The following TAFA2 variants were observed in gnomAD, a reference collection of about 807,000 sequenced individuals.
TAFA2 encodes the protein TAFA chemokine like family member 2.
In TAFA2, 7 loss-of-function variants were observed where a neutral mutation model predicts 18.8. That is an observed-to-expected ratio of 0.37 (90% CI 0.21 to 0.70). TAFA2 has a LOEUF of 0.70. Among genes scored for constraint, TAFA2 ranks in the 30% least tolerant of loss-of-function variants. The probability of loss-of-function intolerance (pLI) is 0.53; values close to 1 mark genes in which losing one functional copy is unlikely to be tolerated. For synonymous variants in TAFA2, 60 were observed against 54.2 expected (o/e 1.11, Z -0.47); for missense variants, 122 against 158.1 (o/e 0.77, Z 1.23).
At chr12:62,122,546 G>A (rs748556274) in intron 1 of TAFA2, among the ~76,000 whole-genome samples, 1 of 152,142 alleles carries the variant, frequency 6.6e-6, no homozygotes, top group East Asian at 1.9e-4. Flanking sequence ...TTTTATAAAT[G>A]AGGGGGAAAT....
At chr12:61,833,372 CAACT>C (rs1410069699) in intron 2 of TAFA2, among the ~76,000 whole-genome samples, 1 of 151,764 alleles carries the variant, frequency 6.6e-6, no homozygotes, top group African/African-American at 2.4e-5. Context: ...TCAGTAGAGT[CAACT>C]AACAAAGCCC....
intron 1 of TAFA2, among the ~76,000 whole-genome samples, chr12:61,900,534 G>A (rs1033576634): frequency 2.0e-5 from 3 of 152,170 alleles, no homozygotes; most frequent in Admixed American, 6.6e-5. Flanking sequence ...AAACATACTG[G>A]AGGGGAAAGC....
In TAFA2 at chr12:62,222,490, A is replaced by T. The variant is rs574284622; in HGVS notation, c.-130+36273T>A. Among the ~76,000 whole-genome samples, 19 of 152,012 alleles carry T rather than the reference A, an allele frequency of 1.2e-4. No homozygotes were observed. The South Asian group carries it at 4.0e-3, about 32-fold the overall frequency. ...TACCATGAAATCAACATAAATATTC[A>T]AGGATATTATTTATTATTATTATTA... On this transcript the variant is annotated intron_variant, in intron 1 of 5. Coordinates refer to the TAFA2 transcript ENST00000551619.
At chr12:61,933,060 T>C (rs752414879) in intron 1 of TAFA2, among the ~76,000 whole-genome samples, 14 of 152,102 alleles carry the variant, frequency 9.2e-5, no homozygotes, top group Admixed American at 2.6e-4. Flanking sequence ...TATCCAGTTT[T>C]CCCCCAAACT....
intron 1 of TAFA2, among the ~76,000 whole-genome samples, chr12:61,984,057 A>T (rs1174786982): frequency 1.3e-5 from 2 of 152,018 alleles, no homozygotes; most frequent in Non-Finnish European, 2.9e-5. Context: ...ATAAACACGC[A>T]CTCATTTTAC....
chr12:61,886,786 A>G lies in TAFA2; in HGVS notation c.-1-19360T>C, dbSNP rs145004668. On this transcript the variant is annotated intron_variant, in intron 1 of 4. Transcript: ENST00000416284. ...TAAGGATGAAATAGTATGGTTCATGAATTGGGGGGCTATTGGCATAATTCA... is the reference window on the plus strand; with the variant it reads ...TAAGGATGAAATAGTATGGTTCATGGATTGGGGGGCTATTGGCATAATTCA... 6.1e-3 allele frequency among the ~76,000 whole-genome samples: 926 copies of G among 152,228 alleles called. 10 individuals are homozygous for G. The highest frequency in any genetic ancestry group is 0.021 in the African/African-American group (864 of 41,528).
At chr12:61,796,842 T>C (rs1871208221) in intron 2 of TAFA2, among the ~76,000 whole-genome samples, 1 of 152,148 alleles carries the variant, frequency 6.6e-6, no homozygotes, top group Non-Finnish European at 1.5e-5. Context: ...TCCTAGATTA[T>C]AAGAAATGGC....
At chr12:61,959,309 G>A (rs962073513) in intron 1 of TAFA2, among the ~76,000 whole-genome samples, 1 of 151,966 alleles carries the variant, frequency 6.6e-6, no homozygotes, top group Non-Finnish European at 1.5e-5. Context: ...AGCATGCTAT[G>A]CCTAATCCTT....
chr12:61,951,366 TAAG>T (rs765690971), intron 1 of TAFA2, among the ~76,000 whole-genome samples: 17 of 152,276 alleles, frequency 1.1e-4, no homozygotes, highest in South Asian at 2.1e-4. Flanking sequence ...CCTGATGTTT[TAAG>T]AAGAAGAAAT....
chr12:62,242,542 C>A lies in TAFA2; in HGVS notation c.-130+16221G>T. 1.9e-5 allele frequency: 3 copies of A among 155,320 alleles called. No homozygotes were observed. The South Asian group carries it at 5.3e-4, about 28-fold the overall frequency. 9.6% of individuals were successfully genotyped at this position (155,320 alleles called of 1,614,324 possible). On this transcript the variant is annotated intron_variant, in intron 1 of 5. Transcript: ENST00000551619. ...GTCTCACTGTGTTACCCAGGCTGGT[C>A]TTCAACTCTTGGCTTCATGTGATCC...
intron 1 of TAFA2, among the ~76,000 whole-genome samples, chr12:62,189,213 G>T (rs2062605990): frequency 6.6e-6 from 1 of 152,038 alleles, no homozygotes; most frequent in African/African-American, 2.4e-5. Context: ...TGCCTAATCT[G>T]AATAAAACAA....
Position 62,089,122 on chromosome 12 carries a change from G to C in TAFA2, c.-2+102137C>G, listed in dbSNP as rs147046417. On this transcript the variant is annotated intron_variant, in intron 1 of 4. Coordinates refer to ENST00000416284, the MANE Select transcript of TAFA2 (RefSeq NM_178539.5). ...AACTTCAGGCCACCCTGAAATAACT[G>C]TTAAACGAAATTAACACCAAAGCTT... Among the ~76,000 whole-genome samples, 13 of 152,214 alleles carry C rather than the reference G, an allele frequency of 8.5e-5. No homozygotes were observed. In the East Asian group the frequency reaches 2.5e-3, roughly 29 times the overall value.
chr12:61,891,999 G>C lies in TAFA2; in HGVS notation c.-1-24573C>G, dbSNP rs538638769. On this transcript the variant is annotated intron_variant, in intron 1 of 4. Transcript: ENST00000416284. ...AAAGTGCTGCTGCATAGACTTGTAG[G>C]GGGTAAATGTAGCAGAAGTAGGGGG... is the stretch of plus-strand genomic sequence containing the variant. Among the ~76,000 whole-genome samples the C allele has an allele frequency of 3.1e-3, 469 of 151,360 alleles. 1 individual carries two copies. Among genetic ancestry groups the C allele is most frequent in the Admixed American group, 7.0e-3 (106 of 15,100 alleles).
At chr12:61,823,616 T>C (rs933452611) in intron 2 of TAFA2, among the ~76,000 whole-genome samples, 3 of 152,176 alleles carry the variant, frequency 2.0e-5, no homozygotes, top group African/African-American at 7.2e-5. Context: ...GCATTCTGCA[T>C]TGGTGTAACT....
At chr12:62,232,272 C>T (rs1044977242) in intron 1 of TAFA2, among the ~76,000 whole-genome samples, 4 of 152,174 alleles carry the variant, frequency 2.6e-5, no homozygotes, top group African/African-American at 9.6e-5. Context: ...CACACCCTGG[C>T]CAAAGCCACC....
intron 4 of TAFA2, among the ~76,000 whole-genome samples, chr12:61,733,849 T>A (rs1053997587): frequency 1.3e-5 from 2 of 151,490 alleles, no homozygotes; most frequent in African/African-American, 4.9e-5. Flanking sequence ...ATTGAATCTA[T>A]AAATTACCTT....
intron 1 of TAFA2, among the ~76,000 whole-genome samples, chr12:61,903,330 C>T (rs182265999): frequency 2.2e-4 from 34 of 152,298 alleles, no homozygotes; most frequent in African/African-American, 8.2e-4. Context: ...GTTCTGAAGC[C>T]CATTACACTG....
intron 1 of TAFA2, among the ~76,000 whole-genome samples, chr12:62,247,077 A>G (rs1280183207): frequency 6.6e-6 from 1 of 151,928 alleles, no homozygotes; most frequent in Non-Finnish European, 1.5e-5. Flanking sequence ...TTTTTCCTGC[A>G]TGCTGCTGTT....
At chr12:62,227,952 G>C (rs978453472) in intron 1 of TAFA2, among the ~76,000 whole-genome samples, 1 of 151,850 alleles carries the variant, frequency 6.6e-6, no homozygotes, top group African/African-American at 2.4e-5. Context: ...TCTCTCTTCT[G>C]TTCCATGGGT....
Sources: gnomAD v4.1 joint callset for allele counts (sites outside exome capture counted in the v4.1 genomes callset) on GRCh38, gnomAD v4.1.1 for gene constraint, MANE v1.5 for transcripts, NCBI Gene and HGNC (gene_info 2026-07-23, HGNC 2026-07-21) for gene names.